Variants in RMC1 observed in about 807,000 individuals in gnomAD.
RMC1 encodes regulator of MON1-CCZ1.
A neutral mutation model predicts 95.5 loss-of-function variants in RMC1; 44 were observed. The ratio of observed to expected loss-of-function variants is 0.46; its 90% CI spans 0.36 to 0.59. The LOEUF (loss-of-function observed/expected upper bound fraction) is 0.59, where lower values mean the gene tolerates loss of function less well. Ranked by LOEUF, RMC1 falls within the 20% of genes least tolerant of loss-of-function variation. The pLI, the probability that RMC1 is intolerant of heterozygous loss-of-function variation, is 0.00. For missense variants in RMC1, 705 were observed against 819.6 expected, an observed-to-expected ratio of 0.86 and a Z score of 1.71; for synonymous variants, 320 against 303.6, an observed-to-expected ratio of 1.05 and a Z score of -0.56.
intron 16 of RMC1, 107 bp downstream of exon 16, chr18:23,529,819 T>C: frequency 8.4e-7 from 1 of 1,185,328 alleles, no homozygotes. Flanking sequence ...TCTGCCTCCC[T>C]GACTCAGAAT....
At chr18:23,521,950 C>T (rs1296760585) in intron 10 of RMC1, among the ~76,000 whole-genome samples, 2 of 152,208 alleles carry the variant, frequency 1.3e-5, no homozygotes, top group African/African-American at 2.4e-5. Flanking sequence ...GTGTGCAAGA[C>T]GTAGTCAGAT....
intron 3 of RMC1, among the ~76,000 whole-genome samples, 182 bp downstream of exon 3, chr18:23,507,236 A>T (rs760013562): frequency 2.2e-4 from 34 of 152,216 alleles, no homozygotes; most frequent in Non-Finnish European, 4.6e-4. Flanking sequence ...GGTTAAAAAA[A>T]TGACCTTAGT....
At chr18:23,506,887 A>G in intron 2 of RMC1, 83 bp from the exon 3 acceptor site, 1 of 966,702 alleles carries the variant, frequency 1.0e-6, no homozygotes, top group Non-Finnish European at 1.6e-6. Context: ...TCCTGAATAT[A>G]GATTGTGTCT....
chr18:23,528,351 A>G (rs2058369661), intron 14 of RMC1: 1 of 156,852 alleles, frequency 6.4e-6, no homozygotes, highest in South Asian at 1.9e-4. Context: ...GTTAGCACTT[A>G]GCAGGCGTGT....
chr18:23,526,852 T>C (rs1194527806), intron 13 of RMC1, 87 bp downstream of exon 13: 1 of 1,523,158 alleles, frequency 6.6e-7, no homozygotes, highest in African/African-American at 1.4e-5. Flanking sequence ...GCTACATTGT[T>C]GTGTCTTGTC....
intron 2 of RMC1, chr18:23,506,539 A>C (rs926381949): frequency 5.9e-6 from 1 of 168,806 alleles, no homozygotes; most frequent in Non-Finnish European, 1.3e-5. Context: ...TCACTTTTTA[A>C]CATCTGTCTG....
At chr18:23,518,409 G>A (rs530588939) in intron 7 of RMC1, among the ~76,000 whole-genome samples, 3 of 152,154 alleles carry the variant, frequency 2.0e-5, no homozygotes, top group African/African-American at 7.2e-5. Flanking sequence ...AGGGAAGATC[G>A]CCAAAGCCTA....
intron 5 of RMC1, among the ~76,000 whole-genome samples, chr18:23,512,577 C>T (rs537022802): frequency 4.0e-5 from 6 of 151,754 alleles, no homozygotes; most frequent in East Asian, 3.9e-4. Context: ...TGTGCCAGCA[C>T]GCCCAACTTA....
At position 23,520,280 on chromosome 18, in the gene RMC1, C is replaced by T. The variant is rs754159771; in HGVS notation, c.928C>T (p.Arg310Ter). 10 of 1,614,086 alleles carry T rather than the reference C, an allele frequency of 6.2e-6. No homozygotes were observed. Among genetic ancestry groups the T allele is most frequent in the South Asian group, 1.1e-5 (1 of 91,078 alleles). Residue 310 changes from arginine (R) to a stop codon, truncating the protein, a stop_gained, in exon 10 of 20, where the codon CGA (arginine) becomes TGA (stop). Coordinates refer to ENST00000269221, the MANE Select transcript of RMC1 (RefSeq NM_013326.5). LOFTEE classifies it high-confidence loss of function. The stretch of plus-strand genomic sequence containing the variant: ...CTTCCACCACCCCGTGCTTCCCGCT[C>T]GATCGATCCAGCCCTATCAGATCCC... Reference protein sequence around the residue: ...VTFHHPVLPARSIQPYQIPIT... With the variant: ...VTFHHPVLPA
At chr18:23,511,614 A>G (rs1393399706) in intron 5 of RMC1, among the ~76,000 whole-genome samples, 3 of 152,104 alleles carry the variant, frequency 2.0e-5, no homozygotes, top group Non-Finnish European at 4.4e-5. Flanking sequence ...CTTCTTTTTA[A>G]CAAAAAGGGG....
rs768755307 is a variant in RMC1, at chr18:23,526,650, C to A, written c.1074C>A (p.Asn358Lys). 1.9e-6 allele frequency: 3 copies of A among 1,613,986 alleles called. No homozygotes were observed. In the Middle Eastern group the frequency reaches 4.9e-4, roughly 266 times the overall value. ...IISASQGYLW[N>K]LQVKLEPIVN... ...CTTAAAATCCAGGTTACCTCTGGAACCTCCAAGTGAAACTTGAGCCCATAG... is the reference window on the plus strand; with the variant it reads ...CTTAAAATCCAGGTTACCTCTGGAAACTCCAAGTGAAACTTGAGCCCATAG... Residue 358 changes from asparagine to lysine, a missense_variant, in exon 13 of 20, where the codon AAC becomes AAA. Coordinates refer to ENST00000269221, the MANE Select transcript of RMC1 (RefSeq NM_013326.5).
intron 10 of RMC1, 57 bp from the exon 11 acceptor site, chr18:23,524,073 C>T: frequency 6.4e-7 from 1 of 1,551,100 alleles, no homozygotes; most frequent in Non-Finnish European, 8.9e-7. Context: ...TCATAAGTAC[C>T]AGCATTTGCA....
At chr18:23,508,430 T>C (rs2145137502) in intron 4 of RMC1, among the ~76,000 whole-genome samples, 1 of 152,258 alleles carries the variant, frequency 6.6e-6, no homozygotes, top group East Asian at 1.9e-4. Context: ...TTTCCTGAAG[T>C]TTCCTTTCCT....
At chr18:23,517,229 A>G (rs1335679718) in intron 7 of RMC1, among the ~76,000 whole-genome samples, 1 of 151,578 alleles carries the variant, frequency 6.6e-6, no homozygotes, top group Non-Finnish European at 1.5e-5. Flanking sequence ...GGCTCACTGC[A>G]ACCTCCGCCT....
Position 23,530,047 on chromosome 18 carries a change from T to G in RMC1, c.1514T>G (p.Val505Gly). The change falls in exon 17 of 20, where the codon GTT becomes GGT. Residue 505 changes from valine to glycine, a missense_variant. By Grantham distance (109) the Val-to-Gly change is moderately radical (BLOSUM62 -3). Coordinates refer to ENST00000269221, the MANE Select transcript of RMC1 (RefSeq NM_013326.5). ...CCTCAGCATTACCTACATGAACTTG[T>G]TATCAAAACCCTTGTCCAGCACAAC... The part of the protein sequence containing the change: ...IAVQHYLHEL[V>G]IKTLVQHNLF... 1 of 1,614,134 alleles carries G rather than the reference T, an allele frequency of 6.2e-7. No individual in the cohort carries two copies.
At position 23,531,453 on chromosome 18, in the gene RMC1, T is replaced by TACAAA. The variant is rs2058502617; in HGVS notation, c.1895-171_1895-170insCAAAA. On this transcript the variant is annotated intron_variant, in intron 19 of 19. Coordinates refer to ENST00000269221, the MANE Select transcript of RMC1 (RefSeq NM_013326.5). ...CAGGTTAGATAGAATCTCTTCCATT[T>TACAAA]AGCTTTTGTATTTGTCTCTCAAAGC... 3.8e-6 allele frequency: 5 copies of TACAAA among 1,326,718 alleles called. No homozygotes were observed. In the South Asian group the frequency reaches 8.2e-5, roughly 22 times the overall value. The allele number at this position is 1,326,718 out of a possible 1,614,324, so 82.2% of individuals were successfully genotyped here.
chr18:23,526,227 A>T (rs1220567116), intron 12 of RMC1, among the ~76,000 whole-genome samples: 1 of 152,238 alleles, frequency 6.6e-6, no homozygotes, highest in Non-Finnish European at 1.5e-5. Context: ...TTTTAAACTA[A>T]TGAGCTGTTG....
intron 9 of RMC1, among the ~76,000 whole-genome samples, 187 bp downstream of exon 9, chr18:23,519,361 T>C (rs1000569329): frequency 6.6e-6 from 1 of 151,956 alleles, no homozygotes; most frequent in Non-Finnish European, 1.5e-5. Context: ...ATATAAAAAA[T>C]ACAAAAATTA....
At chr18:23,521,686 ACTCT>A (rs199587912) in intron 10 of RMC1, among the ~76,000 whole-genome samples, 7 of 96,396 alleles carry the variant, frequency 7.3e-5, no homozygotes, top group East Asian at 4.0e-4. Context: ...TTCAACACAC[ACTCT>A]CTCTCTTTTT....
Sources: gnomAD v4.1 joint callset for allele counts (sites outside exome capture counted in the v4.1 genomes callset) on GRCh38, gnomAD v4.1.1 for gene constraint, MANE v1.5 for transcripts, NCBI Gene and HGNC (gene_info 2026-07-23, HGNC 2026-07-21) for gene names.